Variants in OLFM3 observed in about 807,000 individuals in gnomAD.
The protein encoded by OLFM3 is olfactomedin 3.
A neutral mutation model predicts 48.6 loss-of-function variants in OLFM3; 20 were observed. That is an observed-to-expected ratio of 0.41 (90% CI 0.29 to 0.60). The LOEUF is 0.60. OLFM3 is among the 20% of genes least tolerant of loss of function. The pLI is 0.28. For missense variants in OLFM3, 437 were observed against 544.3 expected (o/e 0.80, Z 1.96); for synonymous variants, 222 against 198.1 (o/e 1.12, Z -1.01).
At chr1:101,831,641 C>G (rs1655155939) in intron 2 of OLFM3, among the ~76,000 whole-genome samples, 1 of 151,892 alleles carries the variant, frequency 6.6e-6, no homozygotes, top group African/African-American at 2.4e-5. Context: ...TATGAATGAC[C>G]CGTTATAAAG....
At chr1:101,928,433 T>G (rs1241913552) in intron 1 of OLFM3, among the ~76,000 whole-genome samples, 1 of 152,170 alleles carries the variant, frequency 6.6e-6, no homozygotes, top group Non-Finnish European at 1.5e-5. Flanking sequence ...TGACTCCTTC[T>G]TATCTACTTG....
chr1:101,899,707 G>A (rs1658328267), intron 1 of OLFM3, among the ~76,000 whole-genome samples: 1 of 151,940 alleles, frequency 6.6e-6, no homozygotes, highest in Admixed American at 6.6e-5. Context: ...ACATTCTTAT[G>A]TAAGAATAAT....
At chr1:101,895,473 A>C (rs1658163993) in intron 1 of OLFM3, among the ~76,000 whole-genome samples, 1 of 151,976 alleles carries the variant, frequency 6.6e-6, no homozygotes, top group African/African-American at 2.4e-5. Flanking sequence ...TTACATTAAA[A>C]TACACCTAAA....
intron 1 of OLFM3, among the ~76,000 whole-genome samples, chr1:101,973,832 G>A (rs547805907): frequency 5.5e-4 from 83 of 152,234 alleles, no homozygotes; most frequent in South Asian, 1.2e-3. Flanking sequence ...ATTTTATGTG[G>A]AATTTTTCAT....
intron 1 of OLFM3, among the ~76,000 whole-genome samples, chr1:101,876,951 G>C (rs187017564): frequency 6.6e-6 from 1 of 151,846 alleles, no homozygotes; most frequent in Admixed American, 6.6e-5. Flanking sequence ...GTCTGACTTG[G>C]GTTATAATTT....
At chr1:101,812,795 C>T in intron 4 of OLFM3, 1 of 989,726 alleles carries the variant, frequency 1.0e-6, no homozygotes, top group Non-Finnish European at 1.2e-6. Context: ...GTAAAGTGGT[C>T]TTTTGGCTAG....
At chr1:101,984,709 C>G (rs892585317) in intron 1 of OLFM3, among the ~76,000 whole-genome samples, 1 of 152,132 alleles carries the variant, frequency 6.6e-6, no homozygotes, top group Admixed American at 6.5e-5. Flanking sequence ...TGCAATTTTT[C>G]ATTTCTATAT....
At chr1:101,932,471 G>C (rs985696654) in intron 1 of OLFM3, among the ~76,000 whole-genome samples, 12 of 152,268 alleles carry the variant, frequency 7.9e-5, no homozygotes, top group Admixed American at 6.5e-4. Flanking sequence ...TGGGCTGAAG[G>C]GGGAGGAAGC....
rs758289388 is a variant in OLFM3 at position 101,804,465 on chromosome 1, G to A, written c.1150C>T (p.Leu384=). ...AGESFMICGT[L]YVTNSHLTGA... ...GTTAAGTGGGAGTTGGTGACATACA[G>A]TGTCCCACAGATCATGAAAGATTCC... Residue 384 remains leucine (L), a synonymous_variant, in exon 6 of 6, where the codon CTG becomes TTG. Coordinates refer to ENST00000370103, the MANE Select transcript of OLFM3 (RefSeq NM_058170.4). This position sits in a 1 kb window ranked among gnomAD's most constrained non-coding sequence, Gnocchi z 4.5. 6.2e-7 allele frequency: 1 copy of A among 1,612,578 alleles called. No individual in the cohort carries two copies.
intron 1 of OLFM3, among the ~76,000 whole-genome samples, chr1:101,920,283 T>G (rs998656875): frequency 6.6e-6 from 1 of 152,192 alleles, no homozygotes; most frequent in African/African-American, 2.4e-5. Flanking sequence ...AAAGTCAGGA[T>G]AGTGGCCTAT....
At chr1:101,909,220 A>G (rs1658663342) in intron 1 of OLFM3, among the ~76,000 whole-genome samples, 1 of 152,204 alleles carries the variant, frequency 6.6e-6, no homozygotes, top group African/African-American at 2.4e-5. Context: ...TAACACACAC[A>G]GAGGCCACAG....
At chr1:101,823,175 A>C (rs897635730) in intron 4 of OLFM3, among the ~76,000 whole-genome samples, 4 of 152,052 alleles carry the variant, frequency 2.6e-5, no homozygotes, top group Non-Finnish European at 5.9e-5. Context: ...AACATGATAG[A>C]CATTGTTCTT....
intron 1 of OLFM3, among the ~76,000 whole-genome samples, chr1:101,938,148 G>A (rs1182380772): frequency 1.3e-5 from 2 of 152,164 alleles, no homozygotes; most frequent in Non-Finnish European, 2.9e-5. Flanking sequence ...TCAGAACCAT[G>A]CTTTCTTTCC....
chr1:101,823,093 C>G (rs978503081), intron 4 of OLFM3, among the ~76,000 whole-genome samples: 3 of 151,862 alleles, frequency 2.0e-5, no homozygotes, highest in Admixed American at 2.0e-4. Flanking sequence ...AATTTATTCA[C>G]CAGATATTTA....
At chr1:101,935,714 C>G (rs1034770869) in intron 1 of OLFM3, among the ~76,000 whole-genome samples, 3 of 152,012 alleles carry the variant, frequency 2.0e-5, no homozygotes, top group African/African-American at 4.8e-5. Context: ...AACATAGATG[C>G]AAAATTTCTC....
At chr1:101,897,387 G>A (rs1658243494) in intron 1 of OLFM3, among the ~76,000 whole-genome samples, 1 of 152,092 alleles carries the variant, frequency 6.6e-6, no homozygotes, top group African/African-American at 2.4e-5. Flanking sequence ...AATGAGCTTT[G>A]TAAAATGGTT....
chr1:101,878,084 G>A (rs1323579994), intron 1 of OLFM3, among the ~76,000 whole-genome samples: 1 of 151,718 alleles, frequency 6.6e-6, no homozygotes, highest in African/African-American at 2.4e-5. Flanking sequence ...AGATACACCT[G>A]GGCACTAAGA....
intron 1 of OLFM3, among the ~76,000 whole-genome samples, chr1:101,941,775 C>T (rs927368667): frequency 2.0e-5 from 3 of 152,082 alleles, no homozygotes; most frequent in African/African-American, 7.2e-5. Flanking sequence ...GAAGCACAGC[C>T]TAGGTTCAAA....
intron 1 of OLFM3, among the ~76,000 whole-genome samples, chr1:101,985,428 T>C (rs1661208671): frequency 6.6e-6 from 1 of 152,224 alleles, no homozygotes; most frequent in African/African-American, 2.4e-5. Context: ...ACAGCAGCAG[T>C]AAATATCATT....
Sources: allele counts gnomAD v4.1 joint callset (sites outside exome capture counted in the v4.1 genomes callset), GRCh38; gene constraint gnomAD v4.1.1; non-coding constraint Gnocchi (gnomAD v3.1); transcripts MANE v1.5; gene names NCBI Gene and HGNC (gene_info 2026-07-23, HGNC 2026-07-21).